The following TMTC2 variants were observed in gnomAD, a reference collection of about 807,000 sequenced individuals.
The protein encoded by TMTC2 is protein O-mannosyl-transferase TMTC2.
TMTC2 carries 43 observed loss-of-function variants against 82.4 expected under a neutral mutation model. That is an observed-to-expected ratio of 0.52 (90% CI 0.41 to 0.67). The LOEUF (loss-of-function observed/expected upper bound fraction) is 0.67. Ranked by LOEUF, TMTC2 falls within the 30% of genes least tolerant of loss-of-function variation. The probability of loss-of-function intolerance (pLI) is 0.00; values close to 1 mark genes in which losing one functional copy is unlikely to be tolerated. For missense variants in TMTC2, 919 were observed against 1,012.4 expected (o/e 0.91, Z 1.25); for synonymous variants, 408 against 381.9 (o/e 1.07, Z -0.80).
At chr12:82,770,270 A>C (rs887113845) in intron 1 of TMTC2, among the ~76,000 whole-genome samples, 1 of 152,166 alleles carries the variant, frequency 6.6e-6, no homozygotes, top group Non-Finnish European at 1.5e-5. Context: ...TTTCATAGAC[A>C]TATGCATTTG....
chr12:82,731,281 C>G (rs968079313), intron 1 of TMTC2, among the ~76,000 whole-genome samples: 1 of 152,204 alleles, frequency 6.6e-6, no homozygotes, highest in Non-Finnish European at 1.5e-5. Flanking sequence ...CTGAACTGAG[C>G]AAATGTTTCT....
At chr12:82,951,371 A>G (rs911203750) in intron 4 of TMTC2, among the ~76,000 whole-genome samples, 2 of 152,064 alleles carry the variant, frequency 1.3e-5, no homozygotes, top group African/African-American at 4.8e-5. Flanking sequence ...GCTCACTGCA[A>G]TCTCCACTTC....
At chr12:82,883,248 G>T (rs776338793) in intron 2 of TMTC2, among the ~76,000 whole-genome samples, 1 of 151,952 alleles carries the variant, frequency 6.6e-6, no homozygotes, top group Non-Finnish European at 1.5e-5. Flanking sequence ...ATTTGACATT[G>T]AATTTACTAT....
At chr12:83,090,149 A>G (rs1428675820) in intron 11 of TMTC2, among the ~76,000 whole-genome samples, 2 of 152,216 alleles carry the variant, frequency 1.3e-5, no homozygotes, top group East Asian at 1.9e-4. Flanking sequence ...TGTGGCATTA[A>G]CATATCTAAT....
intron 11 of TMTC2, among the ~76,000 whole-genome samples, chr12:83,098,136 G>A (rs1267766962): frequency 3.9e-5 from 6 of 152,202 alleles, no homozygotes; most frequent in Non-Finnish European, 7.3e-5. Context: ...AGCTCATGCT[G>A]CAGAGGGGAT....
rs554739995 is a variant in TMTC2 at position 82,929,136 on chromosome 12, G to A, written c.1484-1295G>A. ...GTCGCCCAGGCTTGAGTGCGGTGGC[G>A]TGATCATGGCTCACTGTAGCCTCGA... On this transcript the variant is annotated intron_variant, in intron 3 of 11. Coordinates refer to ENST00000321196, the MANE Select transcript of TMTC2 (RefSeq NM_152588.3). 1.8e-4 allele frequency among the ~76,000 whole-genome samples: 28 copies of A among 152,072 alleles called. 1 individual carries two copies. In the South Asian group the frequency reaches 5.6e-3, roughly 30 times the overall value.
Position 82,965,714 on chromosome 12 carries a change from A to G in TMTC2, c.1839A>G (p.Gly613=), listed in dbSNP as rs757142803. 1.2e-6 allele frequency: 2 copies of G among 1,613,836 alleles called. No individual in the cohort carries two copies. The highest frequency in any genetic ancestry group is 1.7e-6 in the Non-Finnish European group (2 of 1,179,828). The change falls in exon 6 of 12, where the codon GGA becomes GGG. Residue 613 remains glycine (G), a synonymous_variant. Coordinates refer to ENST00000321196, the MANE Select transcript of TMTC2 (RefSeq NM_152588.3). ...SSVTSCLYNL[G]KLYHEQGHYE... is the part of the protein sequence containing the mutation. ...TTACCAGTTGTTTGTACAACCTAGG[A>G]AAGCTGTATCATGAGCAGGGACACT...
intron 2 of TMTC2, among the ~76,000 whole-genome samples, chr12:82,864,109 A>C (rs1454587871): frequency 6.6e-6 from 1 of 152,132 alleles, no homozygotes; most frequent in Non-Finnish European, 1.5e-5. Context: ...ACTCACAGAA[A>C]ATTACTGGGT....
At chr12:82,970,527 G>A (rs563569921) in intron 7 of TMTC2, among the ~76,000 whole-genome samples, 1 of 149,414 alleles carries the variant, frequency 6.7e-6, no homozygotes, top group Admixed American at 6.6e-5. Context: ...TAGAGACGGG[G>A]TTTCACCTTG....
At chr12:82,711,449 C>T (rs574508525) in intron 1 of TMTC2, among the ~76,000 whole-genome samples, 6 of 149,770 alleles carry the variant, frequency 4.0e-5, no homozygotes, top group South Asian at 2.1e-4. Flanking sequence ...AAAAAAAAAA[C>T]GAAAAAGGGC....
At chr12:82,883,450 C>T (rs1415367569) in intron 2 of TMTC2, among the ~76,000 whole-genome samples, 2 of 152,166 alleles carry the variant, frequency 1.3e-5, no homozygotes, top group East Asian at 1.9e-4. Flanking sequence ...TAGAAAAACT[C>T]CCACACTCAT....
chr12:82,753,551 T>G (rs974068879), intron 1 of TMTC2, among the ~76,000 whole-genome samples: 2 of 152,174 alleles, frequency 1.3e-5, no homozygotes, highest in African/African-American at 4.8e-5. Context: ...TGGAGAAAAC[T>G]GATTAGGAAG....
chr12:83,041,860 A>G (rs1358016133), intron 9 of TMTC2, among the ~76,000 whole-genome samples: 2 of 152,174 alleles, frequency 1.3e-5, no homozygotes, highest in Non-Finnish European at 2.9e-5. Context: ...ACAAATCTCA[A>G]CATGGCTCAT....
chr12:83,109,041 G>A (rs950116952), intron 11 of TMTC2, among the ~76,000 whole-genome samples: 1 of 152,028 alleles, frequency 6.6e-6, no homozygotes, highest in Admixed American at 6.6e-5. Context: ...TCATTCCCCA[G>A]AATCTAATGC....
chr12:82,922,783 C>A (rs1875472236), intron 3 of TMTC2, among the ~76,000 whole-genome samples: 1 of 152,022 alleles, frequency 6.6e-6, no homozygotes, highest in South Asian at 2.1e-4. Context: ...ACAATGCATT[C>A]CTTTTTTTTA....
intron 1 of TMTC2, among the ~76,000 whole-genome samples, chr12:82,790,224 A>C (rs12301996): frequency 0.11 from 15,928 of 150,620 alleles, 1,281 homozygotes; most frequent in African/African-American, 0.23. Flanking sequence ...CCATGTTGTC[A>C]TGGACAGTCT....
At chr12:82,893,800 T>C (rs1378824058) in intron 2 of TMTC2, among the ~76,000 whole-genome samples, 3 of 152,128 alleles carry the variant, frequency 2.0e-5, no homozygotes, top group Non-Finnish European at 4.4e-5. Flanking sequence ...TTGTTAGAGA[T>C]AGAAAAACTT....
At chr12:83,011,427 ATGTC>A (rs1426746936) in intron 8 of TMTC2, among the ~76,000 whole-genome samples, 1 of 152,222 alleles carries the variant, frequency 6.6e-6, no homozygotes, top group Non-Finnish European at 1.5e-5. Flanking sequence ...ACTTAGAACA[ATGTC>A]TGGTCAACAT....
rs151114890 is a variant in TMTC2 at position 82,920,912 on chromosome 12, C to T, written c.1484-9519C>T. ...TCTTTGAGCAACAACCATTTGTTTA[C>T]GTAGGCAGGATATGTTCAGTTCCAA... is the stretch of plus-strand genomic sequence containing the variant. On this transcript the variant is annotated intron_variant, in intron 3 of 11. Coordinates refer to ENST00000321196, the MANE Select transcript of TMTC2 (RefSeq NM_152588.3). 7.6e-4 allele frequency among the ~76,000 whole-genome samples: 115 copies of T among 152,146 alleles called. 2 individuals carry two copies. Among genetic ancestry groups the T allele is most frequent in the East Asian group, 3.9e-3 (20 of 5,168 alleles).
Sources: allele counts gnomAD v4.1 joint callset (sites outside exome capture counted in the v4.1 genomes callset), GRCh38; gene constraint gnomAD v4.1.1; transcripts MANE v1.5; gene names NCBI Gene and HGNC (gene_info 2026-07-23, HGNC 2026-07-21).